FAM9A: variants seen among roughly 807,000 people sequenced by gnomAD.
The protein encoded by FAM9A is family with sequence similarity 9 member A, also known as protein FAM9A.
FAM9A carries 49 observed loss-of-function variants against 25.0 expected under a neutral mutation model. That is an observed-to-expected ratio of 1.96 (90% CI 1.56 to 2.48). FAM9A has a LOEUF of 2.48. FAM9A is among the 30% of genes most tolerant of loss of function. The pLI is 0.00. For missense variants in FAM9A, 266 were observed against 249.3 expected (o/e 1.07, Z -0.45); for synonymous variants, 80 against 85.1 (o/e 0.94, Z 0.33).
chrX:8,800,525 C>T (rs1244474939), intron 1 of FAM9A, among the ~76,000 whole-genome samples: 2 of 110,536 alleles, frequency 1.8e-5, no homozygotes, highest in Non-Finnish European at 1.9e-5. Flanking sequence ...CGGAGGACCA[C>T]GGGTGTCACA....
chrX:8,798,484 A>G lies in FAM9A; in HGVS notation c.221-5T>C. On this transcript the variant is annotated splice_region_variant and splice_polypyrimidine_tract_variant and intron_variant, in intron 3 of 9. Transcript: ENST00000381003. ...CATCACGGACTGGATCCTTTCCTGC[A>G]TTAAAATGTAAAAGACAAACCATTT... The G allele has an allele frequency of 8.3e-7, 1 of 1,206,954 alleles. No individual in the cohort carries two copies. Among genetic ancestry groups the G allele is most frequent in the Non-Finnish European group, 1.1e-6 (1 of 894,308 alleles).
rs1933463208 is a variant in FAM9A, at chrX:8,790,925, G to T, written c.*279C>A. On this transcript the variant is annotated 3_prime_UTR_variant, in exon 10 of 10. Transcript: ENST00000381003. ...AATTTAATTGACCATGTACATAACT[G>T]TGCAATCCCTGCCTTCTCACAGAAG... is the stretch of plus-strand genomic sequence containing the variant. 7.5e-6 allele frequency: 1 copy of T among 133,821 alleles called. No homozygotes were observed. 11.0% of individuals were successfully genotyped at this position (133,821 alleles called of 1,213,427 possible).
intron 5 of FAM9A, among the ~76,000 whole-genome samples, chrX:8,796,897 C>T (rs931935078): frequency 8.9e-6 from 1 of 111,990 alleles, no homozygotes; most frequent in African/African-American, 3.2e-5. Context: ...AAGCATCGTC[C>T]ATGGGTATAA....
intron 9 of FAM9A, 44 bp from the exon 10 acceptor site, chrX:8,791,216 C>T: frequency 1.2e-6 from 1 of 823,117 alleles, no homozygotes; most frequent in Non-Finnish European, 1.7e-6. Context: ...CACATTTCTG[C>T]AAATAAAATA....
chrX:8,796,996 C>A (rs775483815), intron 5 of FAM9A, among the ~76,000 whole-genome samples: 1 of 112,451 alleles, frequency 8.9e-6, no homozygotes, highest in South Asian at 3.6e-4. Context: ...ATCCACAGTG[C>A]TGTGTTTCAG....
In FAM9A at chrX:8,800,092, G is replaced by GC. The variant is rs1569105478; in HGVS notation, c.79dup (p.Ala27GlyfsTer11). On this transcript the variant is annotated frameshift_variant, in exon 2 of 10. Transcript: ENST00000381003. ...CCTTGGGCGTGCACCTTCTTTCGTG[G>GC]CCCCCTGGGCGGCCGTAACTTGAGC... 8.3e-7 allele frequency: 1 copy of GC among 1,208,518 alleles called. No individual in the cohort carries two copies. The highest frequency in any genetic ancestry group is 1.1e-6 in the Non-Finnish European group (1 of 894,118).
chrX:8,793,382 C>T (rs1377109879), intron 8 of FAM9A, among the ~76,000 whole-genome samples: 1 of 111,987 alleles, frequency 8.9e-6, no homozygotes, highest in Non-Finnish European at 1.9e-5. Flanking sequence ...ATAAATGTGT[C>T]AATGCGTTAA....
chrX:8,797,415 G>A (rs1239785359), intron 5 of FAM9A, among the ~76,000 whole-genome samples: 1 of 111,523 alleles, frequency 9.0e-6, no homozygotes, highest in Non-Finnish European at 1.9e-5. Context: ...TTTCTCACTG[G>A]GTAGAAAACT....
chrX:8,791,322 G>A lies in FAM9A; in HGVS notation c.988C>T (p.Leu330Phe). ...TTTTAAAAACACGGCTAGTTATCAA[G>A]TTCACTTTCTTCACTGGAAGAAATG... The part of the protein sequence containing the change: ...CIISSSEESE[L>F]DN The change falls in exon 9 of 10, where the codon CTT (leucine) becomes TTT (phenylalanine). Residue 330 changes from leucine (L) to phenylalanine (F), a missense_variant. Transcript: ENST00000381003. 1 of 1,205,208 alleles carries A rather than the reference G, an allele frequency of 8.3e-7. No homozygotes were observed. The highest frequency in any genetic ancestry group is 1.8e-5 in the South Asian group (1 of 55,499).
chrX:8,799,327 C>CT (rs1213354354), intron 2 of FAM9A, among the ~76,000 whole-genome samples: 6 of 110,678 alleles, frequency 5.4e-5, no homozygotes, highest in African/African-American at 2.0e-4. Context: ...TGAATGGCCC[C>CT]TGCAGGATCC....
At chrX:8,799,482 T>C (rs1394858921) in intron 2 of FAM9A, among the ~76,000 whole-genome samples, 1 of 110,326 alleles carries the variant, frequency 9.1e-6, no homozygotes, top group East Asian at 2.9e-4. Context: ...CCTGCCTGGA[T>C]GCCCAGGTGA....
At position 8,795,259 on chromosome X, in the gene FAM9A, A is replaced by G; in HGVS notation, c.650T>C (p.Ile217Thr). 1 of 1,176,505 alleles carries G rather than the reference A, an allele frequency of 8.5e-7. No homozygotes were observed. Among genetic ancestry groups the G allele is most frequent in the Non-Finnish European group, 1.1e-6 (1 of 875,463 alleles). ...AEAAAAAAEV[I>T]VVEDEEEEEK... ...TTCCTCCTCTTCGTCTTCTACTACTATTACTTCTGCTGCTGCTGCTGCGGC... is the reference window on the plus strand; with the variant it reads ...TTCCTCCTCTTCGTCTTCTACTACTGTTACTTCTGCTGCTGCTGCTGCGGC... The change falls in exon 7 of 10, where the codon ATA becomes ACA. Residue 217 changes from isoleucine (I) to threonine (T), a missense_variant. Coordinates refer to ENST00000381003, the MANE Select transcript of FAM9A (RefSeq NM_174951.3).
In FAM9A at chrX:8,795,178, CCTT is replaced by C. The variant is rs562290126; in HGVS notation, c.728_730del (p.Glu243del). ...TCCTTCTTCTCCTTCTTCTCCTCCT[CCTT>C]CTTCTTCTCCTTCTTCTTCCTCCTC... On this transcript the variant is annotated inframe_deletion, in exon 7 of 10. Transcript: ENST00000381003. The C allele has an allele frequency of 4.8e-4, 497 of 1,041,924 alleles. 5 individuals carry two copies. The South Asian group carries it at 8.3e-3, about 18-fold the overall frequency. 85.9% of individuals were successfully genotyped at this position (1,041,924 alleles called of 1,213,427 possible).
At chrX:8,794,179 T>A (rs1031553769) in intron 7 of FAM9A, among the ~76,000 whole-genome samples, 1 of 111,650 alleles carries the variant, frequency 9.0e-6, no homozygotes, top group Admixed American at 9.5e-5. Flanking sequence ...CAATAATGAT[T>A]GCCTTTCTGC....
In FAM9A at chrX:8,800,054, A is replaced by G. The variant is rs374387773; in HGVS notation, c.91+27T>C. ...CCCATGTGCCCCCCGCGCAGAGAGC[A>G]AACAGACCATCTCCTTGGGCGTGCA... is the stretch of plus-strand genomic sequence containing the variant. On this transcript the variant is annotated intron_variant, in intron 2 of 9. Coordinates refer to ENST00000381003, the MANE Select transcript of FAM9A (RefSeq NM_174951.3). The G allele has an allele frequency of 5.7e-5, 68 of 1,201,363 alleles. No homozygotes were observed. The African/African-American group carries it at 1.2e-3, about 20-fold the overall frequency.
chrX:8,798,774 G>A (rs1933563425), intron 3 of FAM9A, among the ~76,000 whole-genome samples, 192 bp downstream of exon 3: 1 of 112,890 alleles, frequency 8.9e-6, no homozygotes, highest in African/African-American at 3.2e-5. Context: ...ATGAGGGGGA[G>A]CCTCCCACGG....
chrX:8,797,862 A>G (rs1933550870), intron 5 of FAM9A, among the ~76,000 whole-genome samples: 1 of 112,024 alleles, frequency 8.9e-6, no homozygotes, highest in Admixed American at 9.5e-5. Context: ...TTTCTCCTCC[A>G]GTGTCCTCTA....
rs1433193412 is a variant in FAM9A at position 8,800,025 on chromosome X, G to T, written c.91+56C>A. 2.9e-5 allele frequency: 33 copies of T among 1,157,640 alleles called. No individual in the cohort carries two copies. The African/African-American group carries it at 6.1e-4, about 21-fold the overall frequency. ...GCCACAAAGGGGCCAGGGGTCTCGG[G>T]CTGCCCATGTGCCCCCCGCGCAGAG... On this transcript the variant is annotated intron_variant, in intron 2 of 9. Coordinates refer to ENST00000381003, the MANE Select transcript of FAM9A (RefSeq NM_174951.3).
chrX:8,797,016 C>T lies in FAM9A; in HGVS notation c.374-634G>A, dbSNP rs181257415. Among the ~76,000 whole-genome samples the T allele has an allele frequency of 5.5e-3, 618 of 112,181 alleles. 7 individuals are homozygous for T. Among genetic ancestry groups the T allele is most frequent in the African/African-American group, 0.019 (588 of 30,915 alleles). Reference sequence around the variant, plus strand: ...CAGTGCTGTGTTTCAGAAAACTGTCCTACTGCAAGGAATGCTTTCCTAAAC... The same window carrying T: ...CAGTGCTGTGTTTCAGAAAACTGTCTTACTGCAAGGAATGCTTTCCTAAAC... On this transcript the variant is annotated intron_variant, in intron 5 of 9. Coordinates refer to ENST00000381003, the MANE Select transcript of FAM9A (RefSeq NM_174951.3).
Sources: gnomAD v4.1 joint callset for allele counts (sites outside exome capture counted in the v4.1 genomes callset) on GRCh38, gnomAD v4.1.1 for gene constraint, MANE v1.5 for transcripts, NCBI Gene and HGNC (gene_info 2026-07-23, HGNC 2026-07-21) for gene names.